The following GOLGA4 variants were observed in gnomAD, a reference collection of about 807,000 sequenced individuals.
The protein encoded by GOLGA4 is golgin A4.
In GOLGA4, 169 loss-of-function variants were observed where a neutral mutation model predicts 265.9. That is an observed-to-expected ratio of 0.64 (90% CI 0.56 to 0.72). The LOEUF is 0.72. GOLGA4 is among the 30% of genes least tolerant of loss of function. The pLI is 0.00. For synonymous variants in GOLGA4, 923 were observed against 855.8 expected (o/e 1.08, Z -1.37); for missense variants, 2,482 against 2,483.4 (o/e 1.00, Z 0.01).
rs764626904 is a variant in GOLGA4, at chr3:37,326,556, T to C, written c.4670T>C (p.Ile1557Thr). ...VLKNYNQQKD[I>T]EHKELVQKLQ... is the part of the protein sequence containing the mutation. ...AAAAATTACAATCAACAAAAGGATA[T>C]TGAACACAAAGAATTGGTTCAGAAA... is the stretch of plus-strand genomic sequence containing the variant. Residue 1557 changes from isoleucine (I) to threonine (T), a missense_variant, in exon 14 of 24, where the codon ATT (isoleucine) becomes ACT (threonine). Around this residue, in one of 3 missense-constraint regions of GOLGA4, gnomAD observed 942 missense variants for 983.1 expected, o/e 0.96. Transcript: ENST00000361924. 9.3e-6 allele frequency: 15 copies of C among 1,611,584 alleles called. No homozygotes were observed. In the East Asian group the frequency reaches 2.7e-4, roughly 29 times the overall value.
intron 4 of GOLGA4, among the ~76,000 whole-genome samples, chr3:37,287,336 G>A (rs1050975326): frequency 5.3e-5 from 8 of 152,254 alleles, no homozygotes; most frequent in Middle Eastern, 3.4e-3. Context: ...GCAAGACTCC[G>A]TCTCAAAAAA....
chr3:37,301,941 A>T (rs1204784986), intron 9 of GOLGA4, among the ~76,000 whole-genome samples: 1 of 151,992 alleles, frequency 6.6e-6, no homozygotes, highest in African/African-American at 2.4e-5. Context: ...GGCATATACC[A>T]CCATGCCTGG....
chr3:37,316,444 T>C (rs2096937832), intron 11 of GOLGA4, among the ~76,000 whole-genome samples: 1 of 152,140 alleles, frequency 6.6e-6, no homozygotes, highest in Non-Finnish European at 1.5e-5. Context: ...TAACAGGCAT[T>C]GAGGGGGGCA....
At chr3:37,330,979 C>T (rs1306221061) in intron 16 of GOLGA4, among the ~76,000 whole-genome samples, 6 of 146,144 alleles carry the variant, frequency 4.1e-5, no homozygotes, top group African/African-American at 1.5e-4. Flanking sequence ...TGCAGTGAGC[C>T]GAGATTGTGC....
At chr3:37,267,074 C>A in intron 2 of GOLGA4, 1 of 311,922 alleles carries the variant, frequency 3.2e-6, no homozygotes. Flanking sequence ...GCTAACCCTG[C>A]TCTAAAAAAA....
In GOLGA4 at chr3:37,286,021, C is replaced by T. The variant is rs909219106; in HGVS notation, c.485C>T (p.Thr162Ile). Residue 162 changes from threonine (T) to isoleucine (I), a missense_variant, in exon 4 of 24, where the codon ACA becomes ATA. Around this residue, in one of 3 missense-constraint regions of GOLGA4, gnomAD observed 1,536 missense variants for 1,483.7 expected, o/e 1.04. Coordinates refer to ENST00000361924, the MANE Select transcript of GOLGA4 (RefSeq NM_002078.5). Reference sequence around the variant, plus strand: ...TTGATGACTATATTTTAGCTTGTTACAGCTTATCAGATGCTTCAGAGAGAG... The same window carrying T: ...TTGATGACTATATTTTAGCTTGTTATAGCTTATCAGATGCTTCAGAGAGAG... ...SYRGKYSELV[T>I]AYQMLQREKK... 3.1e-5 allele frequency: 49 copies of T among 1,562,012 alleles called. No individual in the cohort carries two copies. The highest frequency in any genetic ancestry group is 4.0e-5 in the Non-Finnish European group (45 of 1,138,582).
At chr3:37,306,514 T>C (rs2096906737) in intron 10 of GOLGA4, among the ~76,000 whole-genome samples, 1 of 150,950 alleles carries the variant, frequency 6.6e-6, no homozygotes. Flanking sequence ...TGTGTGTGTG[T>C]GTGTGTGTGT....
intron 2 of GOLGA4, among the ~76,000 whole-genome samples, chr3:37,258,057 GTA>G (rs1277803439): frequency 1.5e-5 from 1 of 68,902 alleles, no homozygotes; most frequent in African/African-American, 5.8e-5. Flanking sequence ...ATATATATAT[GTA>G]TGTATATATG....
chr3:37,266,929 A>G, intron 2 of GOLGA4: 1 of 1,278,612 alleles, frequency 7.8e-7, no homozygotes, highest in Non-Finnish European at 1.0e-6. Context: ...TAAAACACAG[A>G]GTGACAGTGT....
intron 18 of GOLGA4, 87 bp downstream of exon 18, chr3:37,337,250 A>G: frequency 1.4e-6 from 1 of 731,222 alleles, no homozygotes. Context: ...CCCAGGCTGG[A>G]GTGCAGTGAT....
chr3:37,268,063 C>G (rs1374754328), intron 2 of GOLGA4, among the ~76,000 whole-genome samples: 3 of 151,892 alleles, frequency 2.0e-5, no homozygotes, highest in Non-Finnish European at 2.9e-5. Flanking sequence ...ATTAGAGAGA[C>G]TTGTTTACTG....
chr3:37,363,842 G>C (rs1696532881), intron 23 of GOLGA4, among the ~76,000 whole-genome samples: 1 of 152,118 alleles, frequency 6.6e-6, no homozygotes, highest in Non-Finnish European at 1.5e-5. Context: ...TATTTTCCTA[G>C]TCTTTTTTAA....
chr3:37,361,656 G>C (rs976861449), intron 23 of GOLGA4, among the ~76,000 whole-genome samples: 7 of 152,154 alleles, frequency 4.6e-5, no homozygotes, highest in Admixed American at 4.6e-4. Context: ...ATGATTGTGA[G>C]AGAGAAATGA....
At chr3:37,250,076 C>T (rs959519257) in intron 1 of GOLGA4, 1 of 152,228 alleles carries the variant, frequency 6.6e-6, no homozygotes, top group African/African-American at 2.4e-5. Flanking sequence ...AGTAAGTTTT[C>T]TGAGTTCTAA....
intron 17 of GOLGA4, among the ~76,000 whole-genome samples, chr3:37,336,249 G>T (rs922505608): frequency 1.3e-5 from 2 of 151,922 alleles, no homozygotes; most frequent in Admixed American, 6.6e-5. Context: ...TAGTCATGTA[G>T]TCATGACTTG....
chr3:37,347,514 T>G (rs1005940162), intron 21 of GOLGA4, among the ~76,000 whole-genome samples: 7 of 152,192 alleles, frequency 4.6e-5, no homozygotes, highest in African/African-American at 1.7e-4. Context: ...TTGAAAATAC[T>G]ATTGGGTAAC....
At chr3:37,355,587 CA>C (rs1290165680) in intron 22 of GOLGA4, among the ~76,000 whole-genome samples, 2 of 151,946 alleles carry the variant, frequency 1.3e-5, no homozygotes, top group African/African-American at 4.8e-5. Flanking sequence ...AGTTGATTTC[CA>C]AATACATTAA....
chr3:37,355,662 CAATG>C (rs573611741), intron 22 of GOLGA4, among the ~76,000 whole-genome samples: 121 of 152,100 alleles, frequency 8.0e-4, no homozygotes, highest in Non-Finnish European at 1.5e-3. Flanking sequence ...ATCAGACAAA[CAATG>C]AATTATTTTT....
intron 21 of GOLGA4, among the ~76,000 whole-genome samples, chr3:37,350,173 T>C (rs2097069483): frequency 6.6e-6 from 1 of 152,178 alleles, no homozygotes. Flanking sequence ...CCTGAGGATA[T>C]TGTATGTAGA....
Sources: gnomAD v4.1 joint callset for allele counts (sites outside exome capture counted in the v4.1 genomes callset) on GRCh38, gnomAD v4.1.1 for gene constraint, gnomAD v4.1.1 regional missense constraint, MANE v1.5 for transcripts, NCBI Gene and HGNC (gene_info 2026-07-23, HGNC 2026-07-21) for gene names.